The following SVOP variants were observed in gnomAD, a reference collection of about 807,000 sequenced individuals.
SVOP encodes the protein SV2 related protein, also known as synaptic vesicle 2-related protein.
In SVOP, 17 loss-of-function variants were observed where a neutral mutation model predicts 69.1. The ratio of observed to expected loss-of-function variants is 0.25; its 90% CI spans 0.17 to 0.37. SVOP has a LOEUF of 0.37. Among genes scored for constraint, SVOP ranks in the 10% least tolerant of loss-of-function variants. The probability of loss-of-function intolerance (pLI) is 1.00; values close to 1 mark genes in which losing one functional copy is unlikely to be tolerated. For missense variants in SVOP, 435 were observed against 597.5 expected, an observed-to-expected ratio of 0.73 and a Z score of 2.84; for synonymous variants, 238 against 238.6, an observed-to-expected ratio of 1.00 and a Z score of 0.02.
chr12:108,913,377 C>A (rs1462866326), intron 15 of SVOP, among the ~76,000 whole-genome samples: 2 of 152,136 alleles, frequency 1.3e-5, no homozygotes, highest in African/African-American at 4.8e-5. Context: ...TCCTTGAAAT[C>A]AACACAAAAC....
rs114508793 is a variant in SVOP, at chr12:108,916,516, C to T, written c.1351-644G>A. Among the ~76,000 whole-genome samples the T allele has an allele frequency of 6.3e-3, 954 of 152,260 alleles. 14 individuals are homozygous for T. Among genetic ancestry groups the T allele is most frequent in the African/African-American group, 0.022 (909 of 41,550 alleles). On this transcript the variant is annotated intron_variant, in intron 14 of 15. Coordinates refer to ENST00000610966, the MANE Select transcript of SVOP (RefSeq NM_018711.5). ...TTGCTGTGCGTTGTAGGATGTTTGG[C>T]AGCATCCCTGGCCTCTACCCACGAG...
At chr12:109,010,960 C>T (rs2040338198) in intron 1 of SVOP, among the ~76,000 whole-genome samples, 1 of 152,018 alleles carries the variant, frequency 6.6e-6, no homozygotes, top group South Asian at 2.1e-4. Flanking sequence ...GTCATCCAGG[C>T]TGGAGTGCAA....
chr12:108,951,874 C>G (rs2039956491), intron 6 of SVOP, among the ~76,000 whole-genome samples: 1 of 152,198 alleles, frequency 6.6e-6, no homozygotes, highest in Non-Finnish European at 1.5e-5. Flanking sequence ...CAGCACATCC[C>G]ATCAAGAGTT....
intron 11 of SVOP, among the ~76,000 whole-genome samples, chr12:108,931,832 CAAAAA>C (rs34806582): frequency 7.9e-6 from 1 of 126,504 alleles, no homozygotes. Context: ...GACTCCGTCT[CAAAAA>C]AAAAAAAAAA....
rs1228129000 is a variant in SVOP at position 109,008,941 on chromosome 12, CT to C, written c.35+11892del. Among the ~76,000 whole-genome samples the C allele has an allele frequency of 2.9e-4, 42 of 144,506 alleles. 1 individual carries two copies. In the East Asian group the frequency reaches 3.4e-3, roughly 12 times the overall value. 94.8% of individuals were successfully genotyped at this position (144,506 alleles called of 152,430 possible). A position where few individuals can be genotyped will look rare whatever the true frequency, so the allele number is the denominator to read the frequency against. On this transcript the variant is annotated intron_variant, in intron 1 of 15. Coordinates refer to ENST00000610966, the MANE Select transcript of SVOP (RefSeq NM_018711.5). Reference sequence around the variant, plus strand: ...CAGGGTTGGTTATTTGTCTTTGTAACTTTTTTTTTCTTTTCTTTCTTTTTTT... The same window carrying C: ...CAGGGTTGGTTATTTGTCTTTGTAACTTTTTTTTCTTTTCTTTCTTTTTTT...
chr12:108,911,861 C>T lies in SVOP; in HGVS notation c.*674G>A, dbSNP rs2039685427. On this transcript the variant is annotated 3_prime_UTR_variant, in exon 16 of 16. Coordinates refer to ENST00000610966, the MANE Select transcript of SVOP (RefSeq NM_018711.5). The stretch of plus-strand genomic sequence containing the variant: ...GGTAACGGCGTTCTGAGGTTGTCAC[C>T]TGGTGCAAGACCAGCTGTCCCCAGG... The T allele has an allele frequency of 6.6e-6, 1 of 152,282 alleles. No individual in the cohort carries two copies. The highest frequency in any genetic ancestry group is 2.1e-4 in the South Asian group (1 of 4,832). The allele number at this position is 152,282 out of a possible 1,614,324, so 9.4% of individuals were successfully genotyped here.
Position 108,925,922 on chromosome 12 carries a change from CT to C in SVOP, c.1049-3126del, listed in dbSNP as rs796267674. On this transcript the variant is annotated intron_variant, in intron 11 of 15. Coordinates refer to ENST00000610966, the MANE Select transcript of SVOP (RefSeq NM_018711.5). ...CCTTTATCTGCCCTACATTCCTGACCTTTTTTTTTTTTTTGAGACAGGGTCT... is the reference window on the plus strand; with the variant it reads ...CCTTTATCTGCCCTACATTCCTGACCTTTTTTTTTTTTTGAGACAGGGTCT... 2.3e-3 allele frequency among the ~76,000 whole-genome samples: 325 copies of C among 143,348 alleles called. 1 individual carries two copies. Among genetic ancestry groups the C allele is most frequent in the South Asian group, 8.5e-3 (38 of 4,480 alleles). 94.0% of individuals were successfully genotyped at this position (143,348 alleles called of 152,430 possible).
intron 1 of SVOP, among the ~76,000 whole-genome samples, chr12:109,004,562 T>G (rs2040293669): frequency 2.6e-5 from 4 of 151,800 alleles, no homozygotes; most frequent in African/African-American, 4.8e-5. Context: ...TGTGCCAGCA[T>G]GCTCAGCATA....
Position 108,922,789 on chromosome 12 carries a change from G to A in SVOP, c.1057C>T (p.Arg353Trp), listed in dbSNP as rs764499042. The A allele has an allele frequency of 3.5e-5, 56 of 1,603,682 alleles. No individual in the cohort carries two copies. Among genetic ancestry groups the A allele is most frequent in the South Asian group, 1.0e-4 (9 of 88,740 alleles). ...QAGDVCGISS[R>W]KKAVEAKCSL... The stretch of plus-strand genomic sequence containing the variant: ...CATTTTGCCTCTACAGCCTTCTTCC[G>A]ACTGGAGACTGGGGTTGGGAGAGAG... Residue 353 changes from arginine to tryptophan, a missense_variant, in exon 12 of 16, where the codon CGG becomes TGG. Coordinates refer to ENST00000610966, the MANE Select transcript of SVOP (RefSeq NM_018711.5).
chr12:108,983,112 T>A lies in SVOP; in HGVS notation c.196+489A>T, dbSNP rs1007946313. On this transcript the variant is annotated intron_variant, in intron 2 of 15. Transcript: ENST00000610966. ...ACCATCATCATGATCACCATCATCATAATCACCATAATCATCACTATCACC... is the reference window on the plus strand; with the variant it reads ...ACCATCATCATGATCACCATCATCAAAATCACCATAATCATCACTATCACC... Among the ~76,000 whole-genome samples the A allele has an allele frequency of 7.3e-5, 11 of 150,450 alleles. No homozygotes were observed. In the South Asian group the frequency reaches 1.9e-3, roughly 26 times the overall value.
At position 108,919,737 on chromosome 12, in the gene SVOP, G is replaced by C; in HGVS notation, c.1206C>G (p.Thr402=). Residue 402 remains threonine (T), a synonymous_variant, in exon 13 of 16, where the codon ACC becomes ACG. Coordinates refer to ENST00000610966, the MANE Select transcript of SVOP (RefSeq NM_018711.5). ...AGAAGATGACAAAGCACAGGGCCAT[G>C]GTCTTCTTGCGCCCCAGGCGGTCAA... ...WIIDRLGRKK[T]MALCFVIFSF... 6.2e-7 allele frequency: 1 copy of C among 1,607,350 alleles called. No individual in the cohort carries two copies. The highest frequency in any genetic ancestry group is 8.5e-7 in the Non-Finnish European group (1 of 1,176,854).
chr12:108,999,765 G>A (rs1341272559), intron 1 of SVOP, among the ~76,000 whole-genome samples: 2 of 149,280 alleles, frequency 1.3e-5, no homozygotes, highest in Middle Eastern at 3.5e-3. Context: ...TGAAACCAAC[G>A]AGAACAAAGA....
rs188386968 is a variant in SVOP, at chr12:108,942,392, G to T, written c.643-1483C>A. ...TGCCCCAGAATTCCTCATCAGAATTGCCACTTCTCGATGGGGCTGAATATC... is the reference window on the plus strand; with the variant it reads ...TGCCCCAGAATTCCTCATCAGAATTTCCACTTCTCGATGGGGCTGAATATC... On this transcript the variant is annotated intron_variant, in intron 7 of 15. Coordinates refer to ENST00000610966, the MANE Select transcript of SVOP (RefSeq NM_018711.5). 1.7e-3 allele frequency among the ~76,000 whole-genome samples: 262 copies of T among 152,278 alleles called. 5 individuals carry two copies. The highest frequency in any genetic ancestry group is 6.1e-3 in the African/African-American group (254 of 41,542).
At position 108,972,538 on chromosome 12, in the gene SVOP, C is replaced by T; in HGVS notation, c.382-62G>A. The stretch of plus-strand genomic sequence containing the variant: ...TGTGGATCATTGCACAGAAAGGGAA[C>T]AACAAACGGAAGTGGTGACGTCACC... On this transcript the variant is annotated intron_variant, in intron 4 of 15. Transcript: ENST00000610966. The T allele has an allele frequency of 2.0e-6, 3 of 1,495,142 alleles. No individual in the cohort carries two copies. In the Admixed American group the frequency reaches 5.9e-5, roughly 29 times the overall value. 92.6% of individuals were successfully genotyped at this position (1,495,142 alleles called of 1,614,324 possible).
At chr12:108,985,448 G>C (rs1440133925) in intron 1 of SVOP, among the ~76,000 whole-genome samples, 2 of 152,170 alleles carry the variant, frequency 1.3e-5, no homozygotes, top group Non-Finnish European at 2.9e-5. Flanking sequence ...GGCGTGAAAG[G>C]GTCACTTGAG....
At chr12:108,952,861 A>T (rs1448961365) in intron 6 of SVOP, among the ~76,000 whole-genome samples, 2 of 152,098 alleles carry the variant, frequency 1.3e-5, no homozygotes, top group African/African-American at 4.8e-5. Flanking sequence ...CCGGTTTCAA[A>T]AATAATAATA....
intron 7 of SVOP, among the ~76,000 whole-genome samples, chr12:108,944,128 G>C (rs541751326): frequency 1.4e-4 from 21 of 151,370 alleles, no homozygotes; most frequent in Admixed American, 1.2e-3. Context: ...TGATCCAAAC[G>C]CCCCGGCCTC....
chr12:109,018,031 C>G (rs1394316707), intron 1 of SVOP, among the ~76,000 whole-genome samples: 1 of 152,074 alleles, frequency 6.6e-6, no homozygotes, highest in Non-Finnish European at 1.5e-5. Flanking sequence ...GCGCAAGAAC[C>G]ATTCTACCTT....
chr12:108,971,146 T>C (rs2040076410), intron 5 of SVOP, among the ~76,000 whole-genome samples: 1 of 151,944 alleles, frequency 6.6e-6, no homozygotes, highest in Admixed American at 6.6e-5. Flanking sequence ...GAGGTCAATT[T>C]GGCTGAGCAC....
Sources: allele counts gnomAD v4.1 joint callset (sites outside exome capture counted in the v4.1 genomes callset), GRCh38; gene constraint gnomAD v4.1.1; transcripts MANE v1.5; gene names NCBI Gene and HGNC (gene_info 2026-07-23, HGNC 2026-07-21).